Variants in FHIP1A observed in about 807,000 individuals in gnomAD.
FHIP1A encodes FHF complex subunit HOOK interacting protein 1A, also known as FHF complex subunit HOOK-interacting protein 1A.
Under a neutral mutation model 88.6 loss-of-function variants are expected in FHIP1A, and 61 were observed. That is an observed-to-expected ratio of 0.69 (90% CI 0.56 to 0.85). The LOEUF is 0.85. Among genes scored for constraint, FHIP1A ranks in the 40% least tolerant of loss-of-function variants. The pLI is 0.00. For missense variants in FHIP1A, 1,154 were observed against 1,273.5 expected (o/e 0.91, Z 1.43); for synonymous variants, 478 against 496.0 (o/e 0.96, Z 0.48).
intron 7 of FHIP1A, among the ~76,000 whole-genome samples, chr4:151,592,323 A>G (rs1734469043): frequency 6.6e-6 from 1 of 152,082 alleles, no homozygotes; most frequent in Admixed American, 6.5e-5. Flanking sequence ...TTTAGTAGAG[A>G]TGGGGTTTCA....
In FHIP1A at chr4:151,649,448, C is replaced by T. The variant is rs1048491577; in HGVS notation, c.1418-11C>T. The T allele has an allele frequency of 1.3e-6, 2 of 1,535,662 alleles. No individual in the cohort carries two copies. Among genetic ancestry groups the T allele is most frequent in the East Asian group, 2.4e-5 (1 of 40,844 alleles). ...CTCCCTTGTTCTAACCAGCCTCTGC[C>T]TCCTGTGCAGGGCCTGTGGAGCGGC... On this transcript the variant is annotated splice_polypyrimidine_tract_variant and intron_variant, in intron 10 of 13. Coordinates refer to ENST00000435205, the MANE Select transcript of FHIP1A (RefSeq NM_001109977.3).
chr4:151,500,374 T>C (rs1730606072), intron 3 of FHIP1A, among the ~76,000 whole-genome samples: 1 of 151,526 alleles, frequency 6.6e-6, no homozygotes, highest in South Asian at 2.1e-4. Context: ...CTATTTGTTA[T>C]TAATTTCATA....
At chr4:151,531,788 TA>T (rs986047087) in intron 3 of FHIP1A, among the ~76,000 whole-genome samples, 5 of 152,194 alleles carry the variant, frequency 3.3e-5, no homozygotes, top group Non-Finnish European at 5.9e-5. Flanking sequence ...ATTTACTGAA[TA>T]AATTTATGTG....
At chr4:151,411,828 C>T (rs1580533666) in intron 1 of FHIP1A, among the ~76,000 whole-genome samples, 2 of 152,198 alleles carry the variant, frequency 1.3e-5, no homozygotes, top group African/African-American at 4.8e-5. Context: ...CATTGAAACA[C>T]AATTTAGATC....
intron 3 of FHIP1A, among the ~76,000 whole-genome samples, chr4:151,514,562 C>T (rs1222670345): frequency 6.6e-6 from 1 of 151,626 alleles, no homozygotes; most frequent in African/African-American, 2.4e-5. Context: ...GCTAGCAAGA[C>T]TAATAAAGAA....
chr4:151,455,752 A>T (rs1026688870), intron 2 of FHIP1A, among the ~76,000 whole-genome samples: 1 of 152,232 alleles, frequency 6.6e-6, no homozygotes, highest in African/African-American at 2.4e-5. Context: ...GAAGGCAAAG[A>T]GGCAGAGAGC....
intron 1 of FHIP1A, among the ~76,000 whole-genome samples, chr4:151,412,748 G>T (rs1732717497): frequency 6.9e-6 from 1 of 144,804 alleles, no homozygotes; most frequent in Admixed American, 7.0e-5. Context: ...GCAATGGCGT[G>T]ATCTCAGCTC....
intron 7 of FHIP1A, among the ~76,000 whole-genome samples, chr4:151,592,423 C>A (rs1048138120): frequency 1.3e-5 from 2 of 152,182 alleles, no homozygotes; most frequent in South Asian, 2.1e-4. Context: ...CGTGAGCCAC[C>A]GCGCCCGGCT....
intron 3 of FHIP1A, among the ~76,000 whole-genome samples, chr4:151,508,993 C>G (rs1730927834): frequency 6.6e-6 from 1 of 152,124 alleles, no homozygotes. Context: ...TGAAATTCCT[C>G]TCTTTGAGCA....
chr4:151,495,773 G>A (rs2126654164), intron 3 of FHIP1A, among the ~76,000 whole-genome samples: 1 of 151,580 alleles, frequency 6.6e-6, no homozygotes, highest in Non-Finnish European at 1.5e-5. Context: ...ACAGGCATGT[G>A]CCACCATGCC....
At chr4:151,469,023 T>A (rs558578297) in intron 2 of FHIP1A, among the ~76,000 whole-genome samples, 3 of 152,198 alleles carry the variant, frequency 2.0e-5, no homozygotes, top group Admixed American at 6.5e-5. Context: ...TGCTTGAATA[T>A]GTGGTTATAC....
At chr4:151,486,967 TAAA>T (rs72527669) in intron 3 of FHIP1A, among the ~76,000 whole-genome samples, 1 of 143,992 alleles carries the variant, frequency 6.9e-6, no homozygotes, top group Non-Finnish European at 1.5e-5. Flanking sequence ...AAACTCCATT[TAAA>T]AAAAAAAAAA....
At chr4:151,478,556 A>G (rs1422547674) in intron 2 of FHIP1A, among the ~76,000 whole-genome samples, 1 of 152,146 alleles carries the variant, frequency 6.6e-6, no homozygotes, top group Non-Finnish European at 1.5e-5. Context: ...AGAATGCCGT[A>G]TATACTTCCT....
chr4:151,482,173 C>A (rs1729918455), intron 2 of FHIP1A, among the ~76,000 whole-genome samples: 1 of 152,036 alleles, frequency 6.6e-6, no homozygotes. Context: ...ATTATGCTAT[C>A]ATTATTATCT....
At chr4:151,492,492 T>C (rs1002336258) in intron 3 of FHIP1A, among the ~76,000 whole-genome samples, 1 of 151,364 alleles carries the variant, frequency 6.6e-6, no homozygotes, top group African/African-American at 2.4e-5. Context: ...CTTGGGATGT[T>C]GAGACAGGAG....
chr4:151,645,105 T>G (rs933626520), intron 9 of FHIP1A, among the ~76,000 whole-genome samples: 8 of 152,202 alleles, frequency 5.3e-5, no homozygotes, highest in African/African-American at 1.7e-4. Context: ...CCTTGTAACC[T>G]TCTACTTTCA....
chr4:151,584,273 G>T (rs1371496893), intron 5 of FHIP1A, among the ~76,000 whole-genome samples: 1 of 152,100 alleles, frequency 6.6e-6, no homozygotes, highest in Non-Finnish European at 1.5e-5. Context: ...CATACCTCCA[G>T]TGTGGACTTG....
intron 7 of FHIP1A, among the ~76,000 whole-genome samples, chr4:151,600,305 T>C (rs1734814002): frequency 6.6e-6 from 1 of 152,220 alleles, no homozygotes; most frequent in African/African-American, 2.4e-5. Flanking sequence ...TTTCATTGTC[T>C]AAAGCAAAGC....
chr4:151,625,266 GT>G (rs1735910967), intron 7 of FHIP1A, among the ~76,000 whole-genome samples: 1 of 152,162 alleles, frequency 6.6e-6, no homozygotes, highest in African/African-American at 2.4e-5. Context: ...CAGTTAGCTA[GT>G]TTTTTCCTCT....
Sources: gnomAD v4.1 joint callset for allele counts (sites outside exome capture counted in the v4.1 genomes callset) on GRCh38, gnomAD v4.1.1 for gene constraint, MANE v1.5 for transcripts, NCBI Gene and HGNC (gene_info 2026-07-23, HGNC 2026-07-21) for gene names.